The following ACTR3C variants were observed in gnomAD, a reference collection of about 807,000 sequenced individuals.
ACTR3C encodes actin-related protein 3C.
In ACTR3C, 18 loss-of-function variants were observed where a neutral mutation model predicts 26.3. The observed-to-expected ratio is 0.68, with a 90% CI of 0.47 to 1.01. The LOEUF is 1.01. Ranked by LOEUF, ACTR3C falls within the 50% of genes least tolerant of loss-of-function variation. The pLI is 0.00. For synonymous variants in ACTR3C, 55 were observed against 94.5 expected (o/e 0.58, Z 2.42); for missense variants, 184 against 250.7 (o/e 0.73, Z 1.80).
At chr7:149,936,929 A>G in the ACTR3C span, among the ~76,000 whole-genome samples, 1 of 151,284 alleles carries the variant, frequency 6.6e-6, no homozygotes, top group African/African-American at 2.4e-5. Context: ...GAGGGATACT[A>G]AAGGCATGTG....
At chr7:150,068,546 G>A in the ACTR3C span, among the ~76,000 whole-genome samples, 2 of 151,752 alleles carry the variant, frequency 1.3e-5, no homozygotes, top group Non-Finnish European at 2.9e-5. Context: ...AGGCTGACGC[G>A]GGAGGATCAC....
chr7:150,151,575 A>C, the ACTR3C span, among the ~76,000 whole-genome samples: 1 of 136,476 alleles, frequency 7.3e-6, no homozygotes, highest in African/African-American at 2.5e-5. Flanking sequence ...GGGAAGCTGT[A>C]CCAGGTTATC....
chr7:150,118,940 TA>T, the ACTR3C span, among the ~76,000 whole-genome samples: 65 of 141,014 alleles, frequency 4.6e-4, no homozygotes, highest in East Asian at 1.2e-3. Context: ...TCAACATTCT[TA>T]AAAAAAAAAA....
chr7:149,901,323 A>G, the ACTR3C span, among the ~76,000 whole-genome samples: 1 of 150,362 alleles, frequency 6.7e-6, no homozygotes, highest in Non-Finnish European at 1.5e-5. Flanking sequence ...ACATAGAACT[A>G]TACACACACA....
chr7:150,082,817 G>C, the ACTR3C span, among the ~76,000 whole-genome samples: 1 of 151,834 alleles, frequency 6.6e-6, no homozygotes, highest in African/African-American at 2.4e-5. Context: ...TTATGAAGAA[G>C]AGAAGGAAGA....
chr7:150,128,232 C>T, the ACTR3C span, among the ~76,000 whole-genome samples: 1 of 152,056 alleles, frequency 6.6e-6, no homozygotes, highest in Non-Finnish European at 1.5e-5. Context: ...CCCTCCTGCC[C>T]CTCAGCTCCT....
At chr7:150,069,030 T>A in the ACTR3C span, among the ~76,000 whole-genome samples, 1 of 152,200 alleles carries the variant, frequency 6.6e-6, no homozygotes, top group Non-Finnish European at 1.5e-5. Context: ...GCTCTGTTGC[T>A]TGAGTGTCTG....
the ACTR3C span, among the ~76,000 whole-genome samples, chr7:150,019,398 C>T: frequency 6.7e-6 from 1 of 149,452 alleles, no homozygotes; most frequent in South Asian, 2.1e-4. Flanking sequence ...TCGAGACCAT[C>T]CTGGCCAACA....
At chr7:150,001,079 A>G in the ACTR3C span, 3 of 152,234 alleles carry the variant, frequency 2.0e-5, no homozygotes, top group African/African-American at 7.2e-5. Flanking sequence ...GGGACACGCC[A>G]AGGCCGCCTC....
At chr7:149,971,663 A>C in the ACTR3C span, among the ~76,000 whole-genome samples, 2 of 152,322 alleles carry the variant, frequency 1.3e-5, no homozygotes, top group Admixed American at 1.3e-4. Flanking sequence ...CTTAGTTTGC[A>C]TCCTGCTGTG....
chr7:150,123,211 T>C, the ACTR3C span, among the ~76,000 whole-genome samples: 1 of 151,804 alleles, frequency 6.6e-6, no homozygotes, highest in South Asian at 2.1e-4. Context: ...CTGCACCATG[T>C]ATCCCAGAAC....
At chr7:149,995,339 T>A in the ACTR3C span, among the ~76,000 whole-genome samples, 1 of 152,246 alleles carries the variant, frequency 6.6e-6, no homozygotes, top group Non-Finnish European at 1.5e-5. Context: ...CTCTTCTCTT[T>A]CCATTGTGTG....
intron 3 of ACTR3C, among the ~76,000 whole-genome samples, chr7:150,291,754 G>A (rs1467593570): frequency 1.3e-5 from 2 of 152,028 alleles, no homozygotes; most frequent in African/African-American, 4.8e-5. Flanking sequence ...CAGCAGCGCA[G>A]TTCTCTGAGG....
At chr7:150,299,602 A>C (rs1318403874) in intron 1 of ACTR3C, among the ~76,000 whole-genome samples, 1 of 151,720 alleles carries the variant, frequency 6.6e-6, no homozygotes, top group Non-Finnish European at 1.5e-5. Context: ...CCTGGCCAAC[A>C]TGGGGAAACC....
At chr7:150,193,991 G>GACAC in the ACTR3C span, among the ~76,000 whole-genome samples, 2,438 of 131,906 alleles carry the variant, frequency 0.018, 60 homozygotes, top group African/African-American at 0.058. Context: ...TACACACACA[G>GACAC]ACACACACAC....
At chr7:149,893,937 AAGT>A in the ACTR3C span, among the ~76,000 whole-genome samples, 1 of 152,308 alleles carries the variant, frequency 6.6e-6, no homozygotes, top group East Asian at 1.9e-4. Flanking sequence ...AAATAATCCT[AAGT>A]TCACATGGAA....
chr7:150,243,008 T>C (rs1378342195), downstream of ACTR3C, among the ~76,000 whole-genome samples: 3 of 152,228 alleles, frequency 2.0e-5, no homozygotes, highest in East Asian at 1.9e-4. Context: ...TTACAAATTA[T>C]TTTTAAAATT....
the ACTR3C span, among the ~76,000 whole-genome samples, chr7:149,932,910 CCA>C: frequency 6.6e-6 from 1 of 151,362 alleles, no homozygotes; most frequent in Non-Finnish European, 1.5e-5. Context: ...AGGCAGAACA[CCA>C]CACTTACGGG....
At chr7:150,244,636 C>A (rs1196849450), downstream of ACTR3C, 2 of 152,264 alleles carry the variant, frequency 1.3e-5, no homozygotes, top group African/African-American at 4.8e-5. Context: ...ACACCTCAGC[C>A]TGAATATATG....
Sources: gnomAD v4.1 joint callset for allele counts (sites outside exome capture counted in the v4.1 genomes callset) on GRCh38, gnomAD v4.1.1 for gene constraint, MANE v1.5 for transcripts, NCBI Gene and HGNC (gene_info 2026-07-23, HGNC 2026-07-21) for gene names.